The following SOX5 variants were observed in gnomAD, a reference collection of about 807,000 sequenced individuals.
The protein encoded by SOX5 is SRY-box transcription factor 5, also known as transcription factor SOX-5.
Under a neutral mutation model 92.0 loss-of-function variants are expected in SOX5, and 9 were observed. That is an observed-to-expected ratio of 0.10 (90% confidence interval 0.06 to 0.17). SOX5 has a LOEUF of 0.17. Ranked by LOEUF, SOX5 falls within the 10% of genes least tolerant of loss-of-function variation. The pLI is 1.00. For synonymous variants in SOX5, 344 were observed against 336.3 expected (o/e 1.02, Z -0.25); for missense variants, 642 against 944.5 (o/e 0.68, Z 4.20).
chr12:24,291,296 T>C (rs766714982), intron 2 of SOX5, among the ~76,000 whole-genome samples: 6 of 152,204 alleles, frequency 3.9e-5, no homozygotes, highest in African/African-American at 1.4e-4. Context: ...ATCATGATTA[T>C]AGACAAAGTT....
At chr12:23,604,884 G>C (rs751365779) in intron 8 of SOX5, among the ~76,000 whole-genome samples, 4 of 152,116 alleles carry the variant, frequency 2.6e-5, no homozygotes, top group Non-Finnish European at 2.9e-5. Flanking sequence ...TGTTACAAAA[G>C]GATGCTTCAT....
chr12:24,556,561 T>C (rs1398075003), intron 1 of SOX5, among the ~76,000 whole-genome samples: 1 of 152,228 alleles, frequency 6.6e-6, no homozygotes, highest in Non-Finnish European at 1.5e-5. Context: ...TAACTTAATA[T>C]AATGCAGAGG....
At chr12:24,336,343 T>C (rs910274421) in intron 2 of SOX5, among the ~76,000 whole-genome samples, 1 of 152,132 alleles carries the variant, frequency 6.6e-6, no homozygotes, top group African/African-American at 2.4e-5. Context: ...TCCGCCTGCC[T>C]TGGCCTCCCA....
intron 4 of SOX5, among the ~76,000 whole-genome samples, chr12:24,046,255 A>T (rs1169379655): frequency 7.4e-6 from 1 of 135,210 alleles, no homozygotes. Context: ...TCTAAAAGGT[A>T]GTGATGTAAA....
chr12:24,546,327 C>T (rs1264372456), intron 1 of SOX5, among the ~76,000 whole-genome samples: 1 of 152,172 alleles, frequency 6.6e-6, no homozygotes, highest in Non-Finnish European at 1.5e-5. Flanking sequence ...CTTACTCTGT[C>T]ATTCATTCAC....
At chr12:23,592,858 C>A (rs971725493) in intron 9 of SOX5, among the ~76,000 whole-genome samples, 1 of 152,110 alleles carries the variant, frequency 6.6e-6, no homozygotes, top group African/African-American at 2.4e-5. Flanking sequence ...GCGTGTGGAT[C>A]ACCTGAGGTC....
intron 3 of SOX5, among the ~76,000 whole-genome samples, chr12:24,234,431 G>A (rs186961831): frequency 9.2e-5 from 14 of 152,104 alleles, no homozygotes; most frequent in Middle Eastern, 3.4e-3. Context: ...AGCCTGGAGT[G>A]CAGTGGCACA....
intron 4 of SOX5, among the ~76,000 whole-genome samples, chr12:24,070,416 G>A (rs1167703986): frequency 6.6e-6 from 1 of 152,122 alleles, no homozygotes; most frequent in Non-Finnish European, 1.5e-5. Context: ...AGGGAAAAGA[G>A]CAGGTCCCAG....
At chr12:24,402,104 C>T (rs767215613) in intron 1 of SOX5, among the ~76,000 whole-genome samples, 1 of 152,006 alleles carries the variant, frequency 6.6e-6, no homozygotes, top group Non-Finnish European at 1.5e-5. Flanking sequence ...TGAGGAGGTG[C>T]CATTTTTACC....
chr12:23,972,807 C>T (rs1260776785), intron 4 of SOX5, among the ~76,000 whole-genome samples: 2 of 152,084 alleles, frequency 1.3e-5, no homozygotes, highest in Non-Finnish European at 2.9e-5. Context: ...ATCAATGTAT[C>T]ATTTTTTGGT....
Position 24,339,128 on chromosome 12 carries a change from G to GTCTGTC in SOX5, c.-174+29429_-174+29434dup, listed in dbSNP as rs1464112566. The stretch of plus-strand genomic sequence containing the variant: ...GACATTATACAAATAATCCCTGCCT[G>GTCTGTC]TCTGTCTCTGTTTCTCTCTCTCTCT... On this transcript the variant is annotated intron_variant, in intron 2 of 4. Coordinates refer to the SOX5 transcript ENST00000446891. 4.8e-5 allele frequency among the ~76,000 whole-genome samples: 7 copies of GTCTGTC among 145,198 alleles called. 1 individual carries two copies. In the Admixed American group the frequency reaches 4.9e-4, roughly 10 times the overall value.
intron 4 of SOX5, among the ~76,000 whole-genome samples, chr12:24,111,662 A>T (rs2138152200): frequency 6.6e-6 from 1 of 152,236 alleles, no homozygotes; most frequent in Admixed American, 6.5e-5. Flanking sequence ...TGTATGAATC[A>T]CTAATATTTT....
At chr12:24,368,412 C>T (rs571766061) in intron 2 of SOX5, 1 of 152,292 alleles carries the variant, frequency 6.6e-6, no homozygotes, top group South Asian at 2.1e-4. Context: ...AAATTACCAA[C>T]ATTTTTTGGC....
At chr12:23,574,777 A>G (rs1447012220) in intron 10 of SOX5, among the ~76,000 whole-genome samples, 2 of 152,184 alleles carry the variant, frequency 1.3e-5, no homozygotes, top group Non-Finnish European at 2.9e-5. Context: ...CTTACTGCCT[A>G]GAATGCCTAG....
intron 4 of SOX5, among the ~76,000 whole-genome samples, chr12:23,970,841 A>ATATATATATATATATAATT: frequency 1.8e-4 from 4 of 21,884 alleles, no homozygotes; most frequent in African/African-American, 5.0e-4. Flanking sequence ...TATATATATA[A>ATATATATATATATATAATT]TTTTTTTTTT....
intron 4 of SOX5, among the ~76,000 whole-genome samples, chr12:24,075,307 A>G (rs1475576183): frequency 7.0e-6 from 1 of 143,694 alleles, no homozygotes; most frequent in Non-Finnish European, 1.5e-5. Flanking sequence ...AAAAAAAGTC[A>G]GTGCCAGTCA....
At chr12:23,894,322 G>A (rs968023033) in intron 2 of SOX5, among the ~76,000 whole-genome samples, 3 of 152,028 alleles carry the variant, frequency 2.0e-5, no homozygotes, top group South Asian at 2.1e-4. Flanking sequence ...CTGCCTCCTG[G>A]GTTCAAGCGA....
At chr12:23,715,892 A>G (rs1371852368) in intron 6 of SOX5, among the ~76,000 whole-genome samples, 2 of 151,822 alleles carry the variant, frequency 1.3e-5, no homozygotes, top group African/African-American at 4.8e-5. Flanking sequence ...TAATCTCACT[A>G]TCTATTATCC....
intron 7 of SOX5, among the ~76,000 whole-genome samples, chr12:23,654,472 T>C (rs1172856931): frequency 2.0e-5 from 3 of 152,220 alleles, no homozygotes; most frequent in African/African-American, 4.8e-5. Flanking sequence ...ATGTTACATA[T>C]AAACATATAA....
Sources: allele counts gnomAD v4.1 joint callset (sites outside exome capture counted in the v4.1 genomes callset), GRCh38; gene constraint gnomAD v4.1.1; transcripts MANE v1.5; gene names NCBI Gene and HGNC (gene_info 2026-07-23, HGNC 2026-07-21).